RGSL1: variants seen among roughly 807,000 people sequenced by gnomAD.
RGSL1 encodes the protein regulator of G protein signaling like 1, also known as regulator of G protein signaling protein-like.
In RGSL1, 97 loss-of-function variants were observed where a neutral mutation model predicts 124.7. The observed-to-expected ratio is 0.78, with a 90% CI of 0.66 to 0.92. The LOEUF (loss-of-function observed/expected upper bound fraction) is 0.92. Ranked by LOEUF, RGSL1 falls within the 40% of genes least tolerant of loss-of-function variation. The pLI, the probability that RGSL1 is intolerant of heterozygous loss-of-function variation, is 0.00. For missense variants in RGSL1, 1,233 were observed against 1,288.4 expected, an observed-to-expected ratio of 0.96 and a Z score of 0.66; for synonymous variants, 424 against 438.1, an observed-to-expected ratio of 0.97 and a Z score of 0.40.
intron 2 of RGSL1, among the ~76,000 whole-genome samples, chr1:182,456,532 A>G (rs982388460): frequency 2.6e-5 from 4 of 152,212 alleles, no homozygotes; most frequent in Non-Finnish European, 4.4e-5. Context: ...TCCAGACCTC[A>G]GATGATCCGC....
At chr1:182,549,094 T>A in intron 17 of RGSL1, 1 of 324,770 alleles carries the variant, frequency 3.1e-6, no homozygotes, top group Non-Finnish European at 5.7e-6. Context: ...AGCAAGAATG[T>A]GAGGTTTTCT....
rs1397289086 is a variant in RGSL1, at chr1:182,474,234, T to A, written c.1123T>A (p.Cys375Ser). 6.4e-7 allele frequency: 1 copy of A among 1,551,938 alleles called. No individual in the cohort carries two copies. Among genetic ancestry groups the A allele is most frequent in the East Asian group, 2.4e-5 (1 of 40,928 alleles). Residue 375 changes from cysteine (C) to serine (S), a missense_variant, in exon 6 of 22, where the codon TGT becomes AGT. By Grantham distance (112) the Cys-to-Ser change is moderately radical. Transcript: ENST00000294854. ...CTTAGGATACATCCACTTGGCCTTG[T>A]GTGCTGATGCCTGTGCAGGGAACCC... The part of the protein sequence containing the change: ...FSLGYIHLAL[C>S]ADACAGNPFR...
chr1:182,512,525 G>T (rs995145993), intron 9 of RGSL1, among the ~76,000 whole-genome samples: 3 of 152,196 alleles, frequency 2.0e-5, no homozygotes, highest in Admixed American at 1.3e-4. Context: ...TCAGGAGCCA[G>T]GGCAAGTGCT....
At chr1:182,455,441 G>C (rs1256899218) in intron 2 of RGSL1, among the ~76,000 whole-genome samples, 1 of 152,094 alleles carries the variant, frequency 6.6e-6, no homozygotes, top group East Asian at 1.9e-4. Context: ...AATTAGCCGG[G>C]CGTGGTGGCG....
chr1:182,543,230 A>C (rs1660001250), intron 15 of RGSL1, among the ~76,000 whole-genome samples: 2 of 152,104 alleles, frequency 1.3e-5, no homozygotes, highest in Admixed American at 1.3e-4. Flanking sequence ...TATTTCTTCC[A>C]TACCCAATTT....
chr1:182,492,675 A>T (rs183978577), intron 8 of RGSL1, among the ~76,000 whole-genome samples: 2 of 145,914 alleles, frequency 1.4e-5, no homozygotes, highest in Admixed American at 7.0e-5. Flanking sequence ...CCCAGGCTGG[A>T]TGGAGTGCAG....
intron 9 of RGSL1, among the ~76,000 whole-genome samples, chr1:182,493,814 TG>T (rs765360528): frequency 6.6e-6 from 1 of 152,276 alleles, no homozygotes; most frequent in Non-Finnish European, 1.5e-5. Context: ...ATGAGTGCTT[TG>T]GCCCTGAAGG....
intron 9 of RGSL1, among the ~76,000 whole-genome samples, chr1:182,510,711 A>G (rs1173310702): frequency 7.3e-6 from 1 of 136,190 alleles, no homozygotes; most frequent in African/African-American, 2.9e-5. Flanking sequence ...GGAGAGGCCT[A>G]TTGACTATTT....
chr1:182,492,835 T>A lies in RGSL1; in HGVS notation c.1718-187T>A. On this transcript the variant is annotated intron_variant, in intron 8 of 21. Coordinates refer to ENST00000294854, the MANE Select transcript of RGSL1 (RefSeq NM_001137669.2). ...TAGTAGAGACAGGGTTTCACCATGTTAGTCAGGATGGTCTCAATCTCCTGA... is the reference window on the plus strand; with the variant it reads ...TAGTAGAGACAGGGTTTCACCATGTAAGTCAGGATGGTCTCAATCTCCTGA... The A allele has an allele frequency of 5.3e-6, 3 of 561,730 alleles. No individual in the cohort carries two copies. In the South Asian group the frequency reaches 6.5e-5, roughly 12 times the overall value. The allele number at this position is 561,730 out of a possible 1,614,324, so 34.8% of individuals were successfully genotyped here. A position where few individuals can be genotyped will look rare whatever the true frequency, so the allele number is the denominator to read the frequency against.
intron 11 of RGSL1, among the ~76,000 whole-genome samples, 160 bp from the exon 12 acceptor site, chr1:182,530,084 T>G (rs1571665721): frequency 1.3e-5 from 2 of 152,140 alleles, no homozygotes; most frequent in Non-Finnish European, 2.9e-5. Flanking sequence ...TCAAATATGC[T>G]TTGGAGATTT....
At chr1:182,492,756 G>A (rs1655623074) in intron 8 of RGSL1, among the ~76,000 whole-genome samples, 1 of 151,572 alleles carries the variant, frequency 6.6e-6, no homozygotes, top group African/African-American at 2.4e-5. Flanking sequence ...AGCCTCCCAA[G>A]TAGCTGGGAC....
rs1486450776 is a variant in RGSL1, at chr1:182,517,792, C to A, written c.1826-4212C>A. 5.9e-5 allele frequency among the ~76,000 whole-genome samples: 9 copies of A among 152,056 alleles called. 1 individual carries two copies. The highest frequency in any genetic ancestry group is 1.3e-4 in the Non-Finnish European group (9 of 68,012). Reference sequence around the variant, plus strand: ...TTTCCGAATTGTTTTTCTGTGTTATCTTGGAGATCACTGAGTTTTCTTAAA... The same window carrying A: ...TTTCCGAATTGTTTTTCTGTGTTATATTGGAGATCACTGAGTTTTCTTAAA... On this transcript the variant is annotated intron_variant, in intron 9 of 21. Transcript: ENST00000294854.
intron 15 of RGSL1, among the ~76,000 whole-genome samples, chr1:182,543,310 A>G (rs964436085): frequency 1.3e-5 from 2 of 152,138 alleles, no homozygotes; most frequent in African/African-American, 4.8e-5. Context: ...AAATGATCAT[A>G]TGACTCTTAT....
At chr1:182,464,799 A>T (rs1304681419) in intron 4 of RGSL1, among the ~76,000 whole-genome samples, 2 of 152,052 alleles carry the variant, frequency 1.3e-5, no homozygotes, top group Non-Finnish European at 2.9e-5. Flanking sequence ...ACTAAATTCA[A>T]AATGAGTCTT....
Position 182,493,103 on chromosome 1 carries a change from T to C in RGSL1, c.1799T>C (p.Ile600Thr). The part of the protein sequence containing the change: ...AIQKISDDYK[I>T]YCEKAPKIDF... ...CAGAAGATCAGTGATGACTACAAAA[T>C]ATACTGTGAGAAAGCACCTAAAATA... The change falls in exon 9 of 22, where the codon ATA becomes ACA. Residue 600 changes from isoleucine to threonine, a missense_variant. Coordinates refer to ENST00000294854, the MANE Select transcript of RGSL1 (RefSeq NM_001137669.2). 1.3e-6 allele frequency: 2 copies of C among 1,551,342 alleles called. No individual in the cohort carries two copies. The highest frequency in any genetic ancestry group is 1.7e-6 in the Non-Finnish European group (2 of 1,146,698).
chr1:182,521,767 G>A (rs1028870042), intron 9 of RGSL1, among the ~76,000 whole-genome samples: 7 of 152,148 alleles, frequency 4.6e-5, no homozygotes, highest in South Asian at 4.1e-4. Context: ...GAAGGTGGGC[G>A]CTAGACTTAA....
intron 8 of RGSL1, 200 bp from the exon 9 acceptor site, chr1:182,492,822 G>A (rs1360448201): frequency 7.6e-6 from 4 of 528,140 alleles, no homozygotes; most frequent in Non-Finnish European, 1.4e-5. Context: ...GTAGAGACAG[G>A]GTTTCACCAT....
chr1:182,501,449 G>A (rs1656380585), intron 9 of RGSL1, among the ~76,000 whole-genome samples: 1 of 150,084 alleles, frequency 6.7e-6, no homozygotes, highest in Admixed American at 6.7e-5. Context: ...CTCCCGAATA[G>A]CTGGGATTAC....
chr1:182,458,239 T>A, intron 2 of RGSL1, 80 bp from the exon 3 acceptor site: 1 of 1,008,182 alleles, frequency 9.9e-7, no homozygotes, highest in Non-Finnish European at 1.5e-6. Flanking sequence ...CCTCCCTTCC[T>A]CTGTGGCTGT....
Sources: allele counts gnomAD v4.1 joint callset (sites outside exome capture counted in the v4.1 genomes callset), GRCh38; gene constraint gnomAD v4.1.1; transcripts MANE v1.5; gene names NCBI Gene and HGNC (gene_info 2026-07-23, HGNC 2026-07-21).